The following TRAPPC9 variants were observed in gnomAD, a reference collection of about 807,000 sequenced individuals.
TRAPPC9 encodes trafficking protein particle complex subunit 9.
A neutral mutation model predicts 124.0 loss-of-function variants in TRAPPC9; 83 were observed. The ratio of observed to expected loss-of-function variants is 0.67; its 90% CI spans 0.56 to 0.80. The LOEUF is 0.80. TRAPPC9 is among the 30% of genes least tolerant of loss of function. The pLI is 0.00. For missense variants in TRAPPC9, 1,302 were observed against 1,508.3 expected (o/e 0.86, Z 2.27); for synonymous variants, 638 against 617.5 (o/e 1.03, Z -0.49).
At chr8:140,074,620 C>T (rs1843386462) in intron 17 of TRAPPC9, among the ~76,000 whole-genome samples, 1 of 152,174 alleles carries the variant, frequency 6.6e-6, no homozygotes, top group African/African-American at 2.4e-5. Flanking sequence ...TTGTTCTGGG[C>T]ACTTGAAAAA....
intron 16 of TRAPPC9, among the ~76,000 whole-genome samples, chr8:140,238,815 G>A (rs2063785754): frequency 6.6e-6 from 1 of 152,232 alleles, no homozygotes. Flanking sequence ...TCAGAGAGCT[G>A]GGGCCACGGG....
intron 17 of TRAPPC9, among the ~76,000 whole-genome samples, chr8:140,084,722 CAGCCAGG>C (rs1844077063): frequency 6.6e-6 from 1 of 152,236 alleles, no homozygotes; most frequent in Non-Finnish European, 1.5e-5. Context: ...CTTGGCCCCT[CAGCCAGG>C]TGATGCATCT....
chr8:140,126,884 T>C (rs140683332), intron 17 of TRAPPC9, among the ~76,000 whole-genome samples: 68 of 152,302 alleles, frequency 4.5e-4, no homozygotes, highest in African/African-American at 1.6e-3. Flanking sequence ...ACATCACTAA[T>C]TGTGCGTTCG....
chr8:140,073,494 G>C (rs1843307421), intron 17 of TRAPPC9, among the ~76,000 whole-genome samples: 1 of 152,160 alleles, frequency 6.6e-6, no homozygotes, highest in South Asian at 2.1e-4. Context: ...CTCTAAACTA[G>C]GCAAAGGCAA....
intron 21 of TRAPPC9, among the ~76,000 whole-genome samples, chr8:139,823,279 G>A (rs972989056): frequency 3.9e-5 from 6 of 152,194 alleles, no homozygotes; most frequent in East Asian, 3.9e-4. Flanking sequence ...GGTGCCCAGC[G>A]GTCTGATGTG....
At chr8:139,931,251 A>G (rs779762273) in intron 19 of TRAPPC9, 2 of 152,230 alleles carry the variant, frequency 1.3e-5, no homozygotes, top group Non-Finnish European at 2.9e-5. Context: ...AGTAGAGCCG[A>G]GCATACACGT....
In TRAPPC9 at chr8:140,030,408, T is replaced by C. The variant is rs190725346; in HGVS notation, c.2557-6329A>G. On this transcript the variant is annotated intron_variant, in intron 17 of 22. Coordinates refer to ENST00000438773, the MANE Select transcript of TRAPPC9 (RefSeq NM_001160372.4). Reference sequence around the variant, plus strand: ...ATCTACTGGAACTCTCAGAAATTGCTGGTGGCACTATAAAATAGTAAAATC... The same window carrying C: ...ATCTACTGGAACTCTCAGAAATTGCCGGTGGCACTATAAAATAGTAAAATC... 4.6e-3 allele frequency among the ~76,000 whole-genome samples: 695 copies of C among 152,332 alleles called. 9 individuals carry two copies. Among genetic ancestry groups the C allele is most frequent in the African/African-American group, 0.015 (640 of 41,590 alleles).
intron 21 of TRAPPC9, among the ~76,000 whole-genome samples, chr8:139,867,992 G>C (rs943917544): frequency 6.6e-6 from 1 of 152,204 alleles, no homozygotes; most frequent in African/African-American, 2.4e-5. Flanking sequence ...TTATACAAGA[G>C]AATGTCCTTG....
intron 10 of TRAPPC9, among the ~76,000 whole-genome samples, chr8:140,303,004 G>A (rs2066026705): frequency 6.6e-6 from 1 of 152,196 alleles, no homozygotes; most frequent in South Asian, 2.1e-4. Context: ...CTGGACAGTG[G>A]CATGAACACA....
Position 139,766,787 on chromosome 8 carries a change from C to T in TRAPPC9, c.3056-34585G>A, listed in dbSNP as rs144642945. On this transcript the variant is annotated intron_variant, in intron 21 of 22. Transcript: ENST00000438773. ...CAGCCCTCTGCCCACAAGAGCTCCC[C>T]GCCTGGCTCCTCCTAAGAACACTTT... 3.8e-4 allele frequency among the ~76,000 whole-genome samples: 58 copies of T among 152,366 alleles called. No individual in the cohort carries two copies. The East Asian group carries it at 7.9e-3, about 21-fold the overall frequency.
intron 19 of TRAPPC9, among the ~76,000 whole-genome samples, chr8:139,976,858 CCT>C (rs1479574927): frequency 2.6e-5 from 4 of 152,174 alleles, no homozygotes; most frequent in Non-Finnish European, 5.9e-5. Flanking sequence ...CACCTCTGCT[CCT>C]CTGAGAGGAG....
intron 14 of TRAPPC9, among the ~76,000 whole-genome samples, chr8:140,279,642 G>A (rs2065241858): frequency 6.6e-6 from 1 of 152,148 alleles, no homozygotes; most frequent in Non-Finnish European, 1.5e-5. Context: ...GCCCACAGCA[G>A]CACATCTTGT....
chr8:139,764,583 C>T (rs1820457950), intron 21 of TRAPPC9, among the ~76,000 whole-genome samples: 1 of 152,160 alleles, frequency 6.6e-6, no homozygotes, highest in Non-Finnish European at 1.5e-5. Flanking sequence ...GGTGGTTCTG[C>T]CCCCTGTGGC....
intron 11 of TRAPPC9, among the ~76,000 whole-genome samples, chr8:140,294,248 C>T (rs2065743405): frequency 6.6e-6 from 1 of 152,126 alleles, no homozygotes; most frequent in Non-Finnish European, 1.5e-5. Context: ...TTCTGAGGAC[C>T]TTCAATGGGA....
chr8:140,234,356 A>T (rs1365558996), intron 16 of TRAPPC9, among the ~76,000 whole-genome samples: 1 of 152,188 alleles, frequency 6.6e-6, no homozygotes, highest in Non-Finnish European at 1.5e-5. Context: ...GTCTCAAGTG[A>T]CCAAGGCCAC....
chr8:140,173,612 GT>G (rs2062009026), intron 17 of TRAPPC9, among the ~76,000 whole-genome samples: 1 of 151,868 alleles, frequency 6.6e-6, no homozygotes, highest in Non-Finnish European at 1.5e-5. Flanking sequence ...ATGAAACTTG[GT>G]GATTGAATTG....
intron 21 of TRAPPC9, among the ~76,000 whole-genome samples, chr8:139,784,882 C>G (rs981592861): frequency 3.3e-5 from 5 of 151,764 alleles, no homozygotes; most frequent in Non-Finnish European, 7.4e-5. Context: ...TCAGTTCTCC[C>G]CAGATTGATC....
At chr8:139,854,839 G>A (rs1054385741) in intron 21 of TRAPPC9, among the ~76,000 whole-genome samples, 10 of 152,068 alleles carry the variant, frequency 6.6e-5, no homozygotes, top group African/African-American at 2.4e-4. Flanking sequence ...AGGCACTGAG[G>A]CCAGCGCTGG....
intron 19 of TRAPPC9, among the ~76,000 whole-genome samples, chr8:139,973,123 G>A (rs1048317019): frequency 5.3e-5 from 8 of 152,244 alleles, no homozygotes; most frequent in African/African-American, 1.9e-4. Context: ...GAAAAAGTAC[G>A]TCCCAGTTAT....
Sources: allele counts gnomAD v4.1 joint callset (sites outside exome capture counted in the v4.1 genomes callset), GRCh38; gene constraint gnomAD v4.1.1; transcripts MANE v1.5; gene names NCBI Gene and HGNC (gene_info 2026-07-23, HGNC 2026-07-21).